Variants in PELP1 observed in about 807,000 individuals in gnomAD.
The protein encoded by PELP1 is proline, glutamate and leucine rich protein 1.
PELP1 carries 32 observed loss-of-function variants against 95.5 expected under a neutral mutation model. The ratio of observed to expected loss-of-function variants is 0.34; its 90% CI spans 0.25 to 0.45. PELP1 has a LOEUF of 0.45. Among genes scored for constraint, PELP1 ranks in the 20% least tolerant of loss-of-function variants. The pLI, the probability that PELP1 is intolerant of heterozygous loss-of-function variation, is 1.00. For missense variants in PELP1, 1,358 were observed against 1,444.8 expected (o/e 0.94, Z 0.97); for synonymous variants, 668 against 600.1 (o/e 1.11, Z -1.65).
Position 4,675,183 on chromosome 17 carries a change from C to T in PELP1, c.1170G>A (p.Arg390=), listed in dbSNP as rs1352407599. Residue 390 remains arginine (R), a synonymous_variant, in exon 11 of 17, where the codon CGG becomes CGA. Transcript: ENST00000572293. This position sits in a 1 kb window ranked among gnomAD's most constrained non-coding sequence, Gnocchi z 4.3. ...CGATCAGGATCCCAAAGCGCAAGAG[C>T]CGGCTTCCACACCTGGGGCAGAGAA... is the stretch of plus-strand genomic sequence containing the variant. ...LSALILACGS[R]LLRFGILIGR... 6.2e-7 allele frequency: 1 copy of T among 1,613,650 alleles called. No homozygotes were observed. Among genetic ancestry groups the T allele is most frequent in the East Asian group, 2.2e-5 (1 of 44,862 alleles).
intron 5 of PELP1, 76 bp downstream of exon 5, chr17:4,682,426 G>A (rs1277967072): frequency 1.1e-6 from 1 of 938,050 alleles, no homozygotes; most frequent in African/African-American, 1.6e-5. Context: ...AGGTGCTTAG[G>A]AATCTCAGGA....
rs2150552403 is a variant in PELP1 at position 4,672,620 on chromosome 17, C to T, written c.2371G>A (p.Val791Met). The change falls in exon 16 of 17, where the codon GTG becomes ATG. Residue 791 changes from valine to methionine, a missense_variant. Physicochemically the swap from Val to Met is conservative, Grantham distance 21. Coordinates refer to ENST00000572293, the MANE Select transcript of PELP1 (RefSeq NM_014389.3). ...ESDSDDSVVI[V>M]PEGLPPLPPP... is the part of the protein sequence containing the mutation. ...GGCAGGGGGGGAAGCCCCTCGGGCA[C>T]GATCACCACGCTGTCATCAGAGTCA... The T allele has an allele frequency of 2.5e-6, 4 of 1,610,060 alleles. No individual in the cohort carries two copies. The highest frequency in any genetic ancestry group is 2.2e-5 in the East Asian group (1 of 44,852).
Position 4,670,410 on chromosome 17 carries a change from T to A in PELP1, c.*1029A>T, listed in dbSNP as rs561966454. On this transcript the variant is annotated 3_prime_UTR_variant, in exon 17 of 17. Coordinates refer to ENST00000572293, the MANE Select transcript of PELP1 (RefSeq NM_014389.3). ...ACGTCCATCCCAGCAAGGCCTAGAA[T>A]AGGATTAGTGCTTAAAGAAAAGACA... The A allele has an allele frequency of 3.9e-5, 6 of 152,238 alleles. No homozygotes were observed. Among genetic ancestry groups the A allele is most frequent in the Admixed American group, 3.3e-4 (5 of 15,284 alleles). The allele number at this position is 152,238 out of a possible 1,614,324, so 9.4% of individuals were successfully genotyped here. A position where few individuals can be genotyped will look rare whatever the true frequency, so the allele number is the denominator to read the frequency against.
At chr17:4,695,260 C>T (rs200703957) in intron 1 of PELP1, among the ~76,000 whole-genome samples, 2 of 151,088 alleles carry the variant, frequency 1.3e-5, no homozygotes, top group African/African-American at 4.9e-5. Flanking sequence ...AGGCAGAGGT[C>T]GCAGTGAGCC....
chr17:4,685,310 C>G (rs1399700350), intron 3 of PELP1, among the ~76,000 whole-genome samples: 1 of 152,176 alleles, frequency 6.6e-6, no homozygotes, highest in East Asian at 1.9e-4. Context: ...TTGGCCCCCC[C>G]AGCCCGCAAT....
At chr17:4,682,450 T>A in intron 5 of PELP1, 52 bp downstream of exon 5, 1 of 1,181,772 alleles carries the variant, frequency 8.5e-7, no homozygotes, top group East Asian at 2.3e-5. Context: ...GAATCTGAGG[T>A]AAGAGCTCTC....
Position 4,703,962 on chromosome 17 carries a change from C to A in PELP1, c.150G>T (p.Gly50=). ...SVSGLLQPRT[G]SAVAPVHPPN... is the part of the protein sequence containing the mutation. ...GGGGATGCACCGGAGCAACGGCAGACCCCGTTCGAGGTTGCAGCAAACCAG... is the reference window on the plus strand; with the variant it reads ...GGGGATGCACCGGAGCAACGGCAGAACCCGTTCGAGGTTGCAGCAAACCAG... The change falls in exon 1 of 17, where the codon GGG becomes GGT. Residue 50 remains glycine, a synonymous_variant. Transcript: ENST00000572293. 6.2e-7 allele frequency: 1 copy of A among 1,613,628 alleles called. No individual in the cohort carries two copies. Among genetic ancestry groups the A allele is most frequent in the Non-Finnish European group, 8.5e-7 (1 of 1,179,752 alleles).
At position 4,674,944 on chromosome 17, in the gene PELP1, G is replaced by T; in HGVS notation, c.1287C>A (p.Thr429=). The T allele has an allele frequency of 3.1e-6, 5 of 1,611,898 alleles. No individual in the cohort carries two copies. Among genetic ancestry groups the T allele is most frequent in the Non-Finnish European group, 4.2e-6 (5 of 1,178,488 alleles). Residue 429 remains threonine (T), a synonymous_variant, in exon 12 of 17, where the codon ACC becomes ACA. Transcript: ENST00000572293. ...GQERPYSTVR[T]KVYAILELWV... ...ACAGCTCTAATATCGCATACACCTT[G>T]GTCCGAACCGTGCTGTGTCATGAGC...
chr17:4,688,326 G>C (rs577120592), intron 3 of PELP1, among the ~76,000 whole-genome samples: 2 of 151,334 alleles, frequency 1.3e-5, no homozygotes, highest in South Asian at 2.1e-4. Context: ...CAGAATGAGA[G>C]ACTCCATCTA....
intron 1 of PELP1, among the ~76,000 whole-genome samples, chr17:4,694,370 G>A (rs188920791): frequency 1.1e-3 from 165 of 151,960 alleles, no homozygotes; most frequent in African/African-American, 3.5e-3. Flanking sequence ...AGTGAACTGT[G>A]GCCGGGCGCA....
chr17:4,692,057 G>A (rs751723053), intron 1 of PELP1, among the ~76,000 whole-genome samples: 7 of 152,148 alleles, frequency 4.6e-5, no homozygotes, highest in Admixed American at 1.3e-4. Context: ...GGCGTGCATC[G>A]TTCCTTCTTC....
intron 5 of PELP1, among the ~76,000 whole-genome samples, chr17:4,678,973 G>C (rs1912600132): frequency 6.6e-6 from 1 of 152,032 alleles, no homozygotes; most frequent in Non-Finnish European, 1.5e-5. Context: ...CTGAAGTGCT[G>C]GCAACCGACA....
intron 3 of PELP1, 126 bp from the exon 4 acceptor site, chr17:4,683,078 A>G (rs1597451041): frequency 7.5e-7 from 1 of 1,332,666 alleles, no homozygotes. Context: ...CCAAGCCACT[A>G]CCTGGCAGAA....
intron 1 of PELP1, among the ~76,000 whole-genome samples, chr17:4,700,191 C>T (rs1913467543): frequency 6.6e-6 from 1 of 152,124 alleles, no homozygotes. Context: ...AGGCGTGAGC[C>T]ATCACGCCTG....
At chr17:4,682,145 G>GT (rs1485070472) in intron 5 of PELP1, among the ~76,000 whole-genome samples, 1 of 152,184 alleles carries the variant, frequency 6.6e-6, no homozygotes, top group Non-Finnish European at 1.5e-5. Flanking sequence ...GGACAACAGA[G>GT]TAAGACCCTG....
chr17:4,676,039 A>C lies in PELP1; in HGVS notation c.977T>G (p.Leu326Arg), dbSNP rs1181308229. The change falls in exon 8 of 17, where the codon CTC becomes CGC. Residue 326 changes from leucine (L) to arginine (R), a missense_variant. By Grantham distance (102) the Leu-to-Arg change is moderately radical. This residue lies in a region of PELP1 where 538 missense variants were observed against 628.1 expected (regional missense o/e 0.86). Coordinates refer to ENST00000572293, the MANE Select transcript of PELP1 (RefSeq NM_014389.3). ...SGLARCLGLM[L>R]SSEFGAPVSV... ...TCCCTCCAATACCCACACACACCTG[A>C]GCATGAGCCCTAGGCAGCGGGCCAG... 2 of 1,613,822 alleles carry C rather than the reference A, an allele frequency of 1.2e-6. No homozygotes were observed. Among genetic ancestry groups the C allele is most frequent in the Non-Finnish European group, 1.7e-6 (2 of 1,179,812 alleles).
chr17:4,682,775 T>A (rs754637928), intron 4 of PELP1, 28 bp downstream of exon 4: 2 of 1,543,704 alleles, frequency 1.3e-6, no homozygotes, highest in Non-Finnish European at 1.7e-6. Context: ...CGGGGGGCCA[T>A]GGGGAAGGGT....
At chr17:4,702,889 C>T (rs979267073) in intron 1 of PELP1, among the ~76,000 whole-genome samples, 4 of 152,002 alleles carry the variant, frequency 2.6e-5, no homozygotes, top group African/African-American at 9.7e-5. Flanking sequence ...AGAATCAGTG[C>T]CTTCACCCGG....
intron 13 of PELP1, 110 bp downstream of exon 13, chr17:4,674,400 T>A: frequency 1.0e-6 from 1 of 991,900 alleles, no homozygotes; most frequent in East Asian, 2.5e-5. Flanking sequence ...GTCTAGGCAC[T>A]CTCCCCACAA....
Sources: allele counts gnomAD v4.1 joint callset (sites outside exome capture counted in the v4.1 genomes callset), GRCh38; gene constraint gnomAD v4.1.1; regional missense constraint gnomAD v4.1.1; non-coding constraint Gnocchi (gnomAD v3.1); transcripts MANE v1.5; gene names NCBI Gene and HGNC (gene_info 2026-07-23, HGNC 2026-07-21).